The following STYK1 variants were observed in gnomAD, a reference collection of about 807,000 sequenced individuals.
STYK1 encodes STY kinase 1.
Under a neutral mutation model 48.1 loss-of-function variants are expected in STYK1, and 46 were observed. The observed-to-expected ratio is 0.96, with a 90% confidence interval of 0.75 to 1.22. The LOEUF (loss-of-function observed/expected upper bound fraction) is 1.22, where lower values mean the gene tolerates loss of function less well. Among genes scored for constraint, STYK1 ranks in the 50% most tolerant of loss-of-function variants. STYK1 has a pLI of 0.00. For synonymous variants in STYK1, 188 were observed against 189.0 expected, an observed-to-expected ratio of 0.99 and a Z score of 0.04; for missense variants, 527 against 521.1, an observed-to-expected ratio of 1.01 and a Z score of -0.11.
chr12:10,627,492 C>T, intron 7 of STYK1, 149 bp downstream of exon 7: 1 of 617,488 alleles, frequency 1.6e-6, no homozygotes, highest in East Asian at 3.0e-5. Flanking sequence ...AACAATTTAT[C>T]CATGCTTGAG....
chr12:10,648,484 C>T (rs1005400739), intron 1 of STYK1, among the ~76,000 whole-genome samples: 2 of 151,718 alleles, frequency 1.3e-5, no homozygotes, highest in African/African-American at 2.4e-5. Context: ...TTCACTGAAA[C>T]AAAATGTTTA....
chr12:10,642,087 T>A (rs1020377560), intron 1 of STYK1, among the ~76,000 whole-genome samples: 1 of 152,196 alleles, frequency 6.6e-6, no homozygotes, highest in African/African-American at 2.4e-5. Context: ...GTTTATCAAC[T>A]GGAAAACGGG....
chr12:10,630,079 GA>G (rs1947407602), intron 5 of STYK1, among the ~76,000 whole-genome samples: 2 of 87,210 alleles, frequency 2.3e-5, no homozygotes, highest in African/African-American at 9.6e-5. Context: ...GAGAGAGAGA[GA>G]GAGAGAGAGA....
chr12:10,623,013 CCTCT>C lies in STYK1; in HGVS notation c.927-339_927-336del, dbSNP rs576859538. Among the ~76,000 whole-genome samples, 282 of 148,314 alleles carry C rather than the reference CCTCT, an allele frequency of 1.9e-3. 1 individual carries two copies. The highest frequency in any genetic ancestry group is 6.5e-3 in the African/African-American group (244 of 37,772). The stretch of plus-strand genomic sequence containing the variant: ...AAAGCACATTTACCTAAAAATATTC[CCTCT>C]GTGTCTCTTTCTTCCTTTCCATCCC... On this transcript the variant is annotated intron_variant, in intron 8 of 10. Transcript: ENST00000075503.
rs1472101857 is a variant in STYK1, at chr12:10,619,314, T to C, written c.*830A>G. ...TTGTTAAAGACTGAGCTACTAAGCC[T>C]TCTTGCTTGGTTTCTACATTTCCTA... On this transcript the variant is annotated 3_prime_UTR_variant, in exon 11 of 11. Transcript: ENST00000075503. 2.6e-5 allele frequency: 4 copies of C among 151,338 alleles called. No homozygotes were observed. Among genetic ancestry groups the C allele is most frequent in the East Asian group, 3.9e-4 (2 of 5,126 alleles). 9.4% of individuals were successfully genotyped at this position (151,338 alleles called of 1,614,324 possible). A position where few individuals can be genotyped will look rare whatever the true frequency, so the allele number is the denominator to read the frequency against.
chr12:10,631,427 G>T, intron 4 of STYK1, 119 bp from the exon 5 acceptor site: 1 of 1,243,744 alleles, frequency 8.0e-7, no homozygotes, highest in Non-Finnish European at 1.1e-6. Flanking sequence ...CCAATGGGGA[G>T]TTGTCTTCTG....
chr12:10,634,579 C>T lies in STYK1; in HGVS notation c.40G>A (p.Asp14Asn), dbSNP rs917866065. ...AATCCGTACTTACCACACAACTTGTCACTGAGACTGCATTCCAGGAGCATC... is the reference window on the plus strand; with the variant it reads ...AATCCGTACTTACCACACAACTTGTTACTGAGACTGCATTCCAGGAGCATC... ...TRMLLECSLSDKLCVIQEKQY... is the reference protein window; with the variant it reads ...TRMLLECSLSNKLCVIQEKQY... Residue 14 changes from aspartate to asparagine, a missense_variant, in exon 3 of 11, where the codon GAC becomes AAC. Physicochemically the swap from Asp to Asn is conservative, Grantham distance 23. Coordinates refer to ENST00000075503, the MANE Select transcript of STYK1 (RefSeq NM_018423.3). The T allele has an allele frequency of 6.2e-7, 1 of 1,614,156 alleles. No individual in the cohort carries two copies. The highest frequency in any genetic ancestry group is 1.1e-5 in the South Asian group (1 of 91,074).
chr12:10,640,542 A>G (rs1372749093), intron 1 of STYK1: 1 of 152,042 alleles, frequency 6.6e-6, no homozygotes, highest in East Asian at 1.9e-4. Context: ...TTTCCTAGAG[A>G]CCCAGGGATC....
rs186654897 is a variant in STYK1, at chr12:10,669,793, A to T, written c.-195+4173T>A. Among the ~76,000 whole-genome samples, 401 of 152,334 alleles carry T rather than the reference A, an allele frequency of 2.6e-3. 3 individuals carry two copies. Among genetic ancestry groups the T allele is most frequent in the African/African-American group, 9.1e-3 (377 of 41,580 alleles). Reference sequence around the variant, plus strand: ...AACTAAAACAATAGGGGGAAAACAAATAACTGTACTAAAAATGAACAAAGG... The same window carrying T: ...AACTAAAACAATAGGGGGAAAACAATTAACTGTACTAAAAATGAACAAAGG... On this transcript the variant is annotated intron_variant, in intron 1 of 10. Transcript: ENST00000075503.
At chr12:10,665,061 G>T (rs186946478) in intron 1 of STYK1, among the ~76,000 whole-genome samples, 2 of 152,304 alleles carry the variant, frequency 1.3e-5, no homozygotes, top group African/African-American at 4.8e-5. Context: ...TATGAAATAT[G>T]GGTGAGGAAA....
intron 1 of STYK1, among the ~76,000 whole-genome samples, chr12:10,664,956 G>T (rs1442040176): frequency 6.6e-6 from 1 of 152,202 alleles, no homozygotes. Flanking sequence ...AAGTTTAAGT[G>T]AAAAGGTGAC....
At chr12:10,621,487 G>A (rs1385823934) in intron 10 of STYK1, among the ~76,000 whole-genome samples, 1 of 152,188 alleles carries the variant, frequency 6.6e-6, no homozygotes, top group Non-Finnish European at 1.5e-5. Flanking sequence ...ACAGCTGTCT[G>A]AACTGTGGCT....
intron 1 of STYK1, among the ~76,000 whole-genome samples, chr12:10,667,118 A>G (rs1307783705): frequency 1.3e-5 from 2 of 152,232 alleles, no homozygotes; most frequent in African/African-American, 4.8e-5. Context: ...GTTATCTAAC[A>G]ATTTTTAAAA....
Position 10,620,798 on chromosome 12 carries a change from A to C in STYK1, c.1065-450T>G, listed in dbSNP as rs190185645. Among the ~76,000 whole-genome samples the C allele has an allele frequency of 4.1e-4, 63 of 152,274 alleles. 1 individual carries two copies. In the South Asian group the frequency reaches 7.7e-3, roughly 19 times the overall value. On this transcript the variant is annotated intron_variant, in intron 10 of 10. Coordinates refer to ENST00000075503, the MANE Select transcript of STYK1 (RefSeq NM_018423.3). ...TCCTCATCAAAATGTTATGTTCTTT[A>C]ATACTTGTGCCTAGAAGCTGCTGCT...
At position 10,620,224 on chromosome 12, in the gene STYK1, C is replaced by CT. The variant is rs1865884483; in HGVS notation, c.1188dup (p.Glu397ArgfsTer6). On this transcript the variant is annotated frameshift_variant, in exon 11 of 11. Transcript: ENST00000075503. LOFTEE classifies it high-confidence loss of function. ...GCATACAGTTCAGGTACCACCAACT[C>CT]TGGTACTTGTAACACAGCCTCGTCA... is the stretch of plus-strand genomic sequence containing the variant. 3.1e-6 allele frequency: 5 copies of CT among 1,614,230 alleles called. No individual in the cohort carries two copies. In the African/African-American group the frequency reaches 5.3e-5, roughly 17 times the overall value.
chr12:10,630,480 G>A (rs752391900), intron 5 of STYK1, among the ~76,000 whole-genome samples: 13 of 149,296 alleles, frequency 8.7e-5, no homozygotes, highest in Non-Finnish European at 1.9e-4. Context: ...CCTAGTACAA[G>A]TAACATCCAT....
chr12:10,652,598 C>G (rs527915210), intron 1 of STYK1, among the ~76,000 whole-genome samples: 3 of 152,190 alleles, frequency 2.0e-5, no homozygotes, highest in Non-Finnish European at 4.4e-5. Flanking sequence ...TGCTGAATAA[C>G]TTGAGGATCT....
chr12:10,629,549 C>A lies in STYK1; in HGVS notation c.577G>T (p.Val193Leu). 4 of 1,614,194 alleles carry A rather than the reference C, an allele frequency of 2.5e-6. No individual in the cohort carries two copies. The highest frequency in any genetic ancestry group is 3.4e-6 in the Non-Finnish European group (4 of 1,180,024). Residue 193 changes from valine to leucine, a missense_variant, in exon 6 of 11, where the codon GTG becomes TTG. Transcript: ENST00000075503. ...CCTEKLPLYM[V>L]LEDVAQGDLL... The stretch of plus-strand genomic sequence containing the variant: ...TCCCCCTGGGCCACATCCTCCAACA[C>A]CATATAGAGTGGCAGCTTTTCAGTG...
chr12:10,673,358 C>CA (rs1947909930), intron 1 of STYK1, among the ~76,000 whole-genome samples: 1 of 151,872 alleles, frequency 6.6e-6, no homozygotes, highest in African/African-American at 2.4e-5. Flanking sequence ...GCCTGAGTGA[C>CA]AGAGCAAGAC....
Sources: allele counts gnomAD v4.1 joint callset (sites outside exome capture counted in the v4.1 genomes callset), GRCh38; gene constraint gnomAD v4.1.1; transcripts MANE v1.5; gene names NCBI Gene and HGNC (gene_info 2026-07-23, HGNC 2026-07-21).